Variants in RIMKLB observed in about 807,000 individuals in gnomAD.
The protein encoded by RIMKLB is ribosomal modification protein rimK like family member B, also known as beta-citrylglutamate synthase B.
In RIMKLB, 7 loss-of-function variants were observed where a neutral mutation model predicts 32.0. That is an observed-to-expected ratio of 0.22 (90% CI 0.12 to 0.41). The LOEUF is 0.41. RIMKLB is among the 10% of genes least tolerant of loss of function. RIMKLB has a pLI of 1.00. For synonymous variants in RIMKLB, 172 were observed against 185.1 expected (o/e 0.93, Z 0.57); for missense variants, 289 against 498.7 (o/e 0.58, Z 4.00).
At chr12:8,701,497 A>G (rs754962833) in intron 1 of RIMKLB, among the ~76,000 whole-genome samples, 1 of 151,854 alleles carries the variant, frequency 6.6e-6, no homozygotes, top group African/African-American at 2.4e-5. Flanking sequence ...CTACTCCCCT[A>G]GAGGCTGGTC....
intron 2 of RIMKLB, among the ~76,000 whole-genome samples, chr12:8,732,754 T>TACACACACACACACACACAC (rs796544776): frequency 1.7e-4 from 24 of 144,812 alleles, no homozygotes; most frequent in African/African-American, 6.6e-4. Flanking sequence ...ATTATATATA[T>TACACACACACACACACACAC]ATACACACAC....
At chr12:8,719,810 C>T (rs1439884875) in intron 2 of RIMKLB, among the ~76,000 whole-genome samples, 1 of 152,144 alleles carries the variant, frequency 6.6e-6, no homozygotes, top group East Asian at 1.9e-4. Context: ...TACAAAATTG[C>T]ATTCATGAAA....
At chr12:8,730,730 A>G (rs1159031534) in intron 2 of RIMKLB, among the ~76,000 whole-genome samples, 2 of 152,178 alleles carry the variant, frequency 1.3e-5, no homozygotes, top group Non-Finnish European at 2.9e-5. Flanking sequence ...TTTTCAATGC[A>G]GCTCTTTCTT....
At chr12:8,750,718 T>G (rs1159711392) in intron 3 of RIMKLB, among the ~76,000 whole-genome samples, 2 of 152,154 alleles carry the variant, frequency 1.3e-5, no homozygotes, top group African/African-American at 4.8e-5. Context: ...TATAAAAGCT[T>G]CTGCTGCCTA....
downstream of RIMKLB, among the ~76,000 whole-genome samples, chr12:8,781,835 G>A (rs1413898692): frequency 6.6e-6 from 1 of 152,128 alleles, no homozygotes; most frequent in Non-Finnish European, 1.5e-5. Context: ...ATTAAAGAAT[G>A]TAAATTTCAA....
At chr12:8,719,339 G>C (rs764324279) in intron 2 of RIMKLB, among the ~76,000 whole-genome samples, 1 of 152,168 alleles carries the variant, frequency 6.6e-6, no homozygotes, top group African/African-American at 2.4e-5. Context: ...TAAGCCCTGG[G>C]ATTATAAATT....
chr12:8,774,497 A>T lies in RIMKLB; in HGVS notation c.*713A>T. 1.0e-6 allele frequency: 1 copy of T among 981,150 alleles called. No homozygotes were observed. Among genetic ancestry groups the T allele is most frequent in the Non-Finnish European group, 1.2e-6 (1 of 825,934 alleles). The allele number at this position is 981,150 out of a possible 1,614,324, so 60.8% of individuals were successfully genotyped here. A position where few individuals can be genotyped will look rare whatever the true frequency, so the allele number is the denominator to read the frequency against. On this transcript the variant is annotated 3_prime_UTR_variant, in exon 6 of 6. Transcript: ENST00000535829. Reference sequence around the variant, plus strand: ...AATTCAATGTAGATAAAATTACACTAGTTTAAAATATGTGCATTCACTTGT... The same window carrying T: ...AATTCAATGTAGATAAAATTACACTTGTTTAAAATATGTGCATTCACTTGT...
intron 5 of RIMKLB, among the ~76,000 whole-genome samples, chr12:8,754,950 C>T (rs966829479): frequency 1.3e-5 from 2 of 151,888 alleles, no homozygotes; most frequent in African/African-American, 2.4e-5. Flanking sequence ...CCACCATGCC[C>T]GTCTAATTAT....
At chr12:8,779,282 T>G (rs1412117419), downstream of RIMKLB, 1 of 152,138 alleles carries the variant, frequency 6.6e-6, no homozygotes, top group East Asian at 1.9e-4. Flanking sequence ...ACTTATTAGG[T>G]GAGCCTTATA....
At chr12:8,760,880 A>G (rs1591954162) in intron 5 of RIMKLB, among the ~76,000 whole-genome samples, 1 of 152,018 alleles carries the variant, frequency 6.6e-6, no homozygotes, top group Non-Finnish European at 1.5e-5. Context: ...ATTTTCTCCC[A>G]TTCTGTAGGT....
intron 5 of RIMKLB, among the ~76,000 whole-genome samples, chr12:8,764,514 C>T (rs1447311866): frequency 1.3e-5 from 2 of 152,066 alleles, no homozygotes; most frequent in Non-Finnish European, 2.9e-5. Flanking sequence ...TAGGACCTCT[C>T]GGATAGTGAC....
rs1483576432 is a variant in RIMKLB at position 8,718,665 on chromosome 12, ATATATG to A, written c.175+4626_175+4631del. 3.4e-3 allele frequency among the ~76,000 whole-genome samples: 356 copies of A among 104,286 alleles called. 4 individuals carry two copies. Among genetic ancestry groups the A allele is most frequent in the Middle Eastern group, 4.8e-3 (1 of 208 alleles). The allele number at this position is 104,286 out of a possible 152,430, so 68.4% of individuals were successfully genotyped here. ...TCTCTCTCTCTCTCTATATATATATATATATGTGTGTGTGTGTGTGTGTGTGTGTGT... is the reference window on the plus strand; with the variant it reads ...TCTCTCTCTCTCTCTATATATATATATGTGTGTGTGTGTGTGTGTGTGTGT... On this transcript the variant is annotated intron_variant, in intron 2 of 5. Coordinates refer to ENST00000535829, the MANE Select transcript of RIMKLB (RefSeq NM_001297776.2).
chr12:8,680,759 C>T (rs1444747162), upstream of RIMKLB, among the ~76,000 whole-genome samples: 3 of 152,098 alleles, frequency 2.0e-5, no homozygotes, highest in African/African-American at 4.8e-5. Context: ...TGAAAAGCGT[C>T]GCTAGAGATC....
the RIMKLB span, among the ~76,000 whole-genome samples, chr12:8,676,382 C>CTTTTTT: frequency 1.1e-3 from 40 of 37,342 alleles, 4 homozygotes; most frequent in African/African-American, 1.1e-3. Flanking sequence ...CCCCCAACAG[C>CTTTTTT]TTTTTTTTTT....
At chr12:8,767,066 G>T (rs941042046) in intron 5 of RIMKLB, among the ~76,000 whole-genome samples, 1 of 152,202 alleles carries the variant, frequency 6.6e-6, no homozygotes, top group Non-Finnish European at 1.5e-5. Flanking sequence ...AGTGTTTTCG[G>T]GCTACGCCCT....
intron 5 of RIMKLB, among the ~76,000 whole-genome samples, chr12:8,754,799 G>A (rs2908453): frequency 0.51 from 77,118 of 151,786 alleles, 20,404 homozygotes; most frequent in South Asian, 0.61. Flanking sequence ...ATGTATGTAT[G>A]AGTGAGTGAA....
intron 2 of RIMKLB, among the ~76,000 whole-genome samples, chr12:8,739,476 C>T (rs1467694479): frequency 6.6e-6 from 1 of 152,146 alleles, no homozygotes; most frequent in Admixed American, 6.5e-5. Context: ...TACCACCATG[C>T]AGGGCCATCT....
In RIMKLB at chr12:8,711,900, C is replaced by T. The variant is rs187607431; in HGVS notation, c.-56-1911C>T. Among the ~76,000 whole-genome samples, 10 of 152,236 alleles carry T rather than the reference C, an allele frequency of 6.6e-5. No homozygotes were observed. The East Asian group carries it at 1.7e-3, about 27-fold the overall frequency. ...ACACTGTGGCCTTCCCTATGATTGT[C>T]CGCAGGGAAGAGACCGAAATGCAAC... On this transcript the variant is annotated intron_variant, in intron 1 of 5. Coordinates refer to ENST00000535829, the MANE Select transcript of RIMKLB (RefSeq NM_001297776.2).
At chr12:8,758,254 C>G (rs940637925) in intron 5 of RIMKLB, among the ~76,000 whole-genome samples, 2 of 150,502 alleles carry the variant, frequency 1.3e-5, no homozygotes, top group African/African-American at 2.4e-5. Flanking sequence ...TTGTATTGAT[C>G]TGCAGGCTCT....
Sources: allele counts gnomAD v4.1 joint callset (sites outside exome capture counted in the v4.1 genomes callset), GRCh38; gene constraint gnomAD v4.1.1; transcripts MANE v1.5; gene names NCBI Gene and HGNC (gene_info 2026-07-23, HGNC 2026-07-21).